MYO6: variants seen among roughly 807,000 people sequenced by gnomAD.
MYO6 encodes unconventional myosin-VI.
A neutral mutation model predicts 178.7 loss-of-function variants in MYO6; 74 were observed. The observed-to-expected ratio is 0.41, with a 90% CI of 0.34 to 0.50. The LOEUF is 0.50. Ranked by LOEUF, MYO6 falls within the 20% of genes least tolerant of loss-of-function variation. MYO6 has a pLI of 0.09. For missense variants in MYO6, 1,330 were observed against 1,547.4 expected, an observed-to-expected ratio of 0.86 and a Z score of 2.36; for synonymous variants, 477 against 504.6, an observed-to-expected ratio of 0.95 and a Z score of 0.73.
In MYO6 at chr6:75,767,548, G is replaced by T. The variant is rs376738989; in HGVS notation, c.-48+18125G>T. On this transcript the variant is annotated intron_variant, in intron 1 of 34. Coordinates refer to ENST00000369977, the MANE Select transcript of MYO6 (RefSeq NM_004999.4). The stretch of plus-strand genomic sequence containing the variant: ...TTTTTTTTTTTTTTTTTGAGGCAGA[G>T]TCTCACTGTTGCTCAGGCTGGAGTG... 9.5e-5 allele frequency among the ~76,000 whole-genome samples: 13 copies of T among 136,696 alleles called. No individual in the cohort carries two copies. The East Asian group carries it at 1.3e-3, about 13-fold the overall frequency. The allele number at this position is 136,696 out of a possible 152,430, so 89.7% of individuals were successfully genotyped here.
intron 16 of MYO6, among the ~76,000 whole-genome samples, chr6:75,863,827 G>A (rs1776418558): frequency 6.6e-6 from 1 of 152,098 alleles, no homozygotes; most frequent in African/African-American, 2.4e-5. Flanking sequence ...GCAGAGCTGT[G>A]CTTGAGTCTT....
chr6:75,811,077 C>T (rs1225472012), intron 1 of MYO6, among the ~76,000 whole-genome samples: 1 of 150,408 alleles, frequency 6.6e-6, no homozygotes, highest in Non-Finnish European at 1.5e-5. Context: ...GAGTCTTCTC[C>T]AGAGAACAGG....
At chr6:75,831,699 C>A (rs1304420042) in intron 5 of MYO6, among the ~76,000 whole-genome samples, 1 of 151,750 alleles carries the variant, frequency 6.6e-6, no homozygotes, top group African/African-American at 2.4e-5. Flanking sequence ...CAAGACCAGC[C>A]TGGGCAAACA....
chr6:75,757,579 G>A (rs1777569624), intron 1 of MYO6, among the ~76,000 whole-genome samples: 1 of 151,732 alleles, frequency 6.6e-6, no homozygotes, highest in African/African-American at 2.4e-5. Flanking sequence ...CTACTTGGTC[G>A]TCAGGCTTAA....
intron 30 of MYO6, among the ~76,000 whole-genome samples, chr6:75,899,346 T>C (rs1779551704): frequency 6.7e-6 from 1 of 149,112 alleles, no homozygotes; most frequent in South Asian, 2.1e-4. Context: ...TTACCTCTTC[T>C]TTCAAAAGAA....
At chr6:75,757,508 C>A (rs1051072684) in intron 1 of MYO6, among the ~76,000 whole-genome samples, 1 of 150,878 alleles carries the variant, frequency 6.6e-6, no homozygotes, top group African/African-American at 2.4e-5. Context: ...GTCAGGATAG[C>A]TTGTTGGGTG....
At chr6:75,827,047 A>T (rs1772548032) in intron 3 of MYO6, among the ~76,000 whole-genome samples, 1 of 152,230 alleles carries the variant, frequency 6.6e-6, no homozygotes, top group Non-Finnish European at 1.5e-5. Context: ...GTTGAATAGT[A>T]TGTTAGACAT....
chr6:75,817,582 C>A lies in MYO6; in HGVS notation c.35C>A (p.Pro12His). Residue 12 changes from proline (P) to histidine (H), a missense_variant, in exon 2 of 35, where the codon CCT becomes CAT. This residue lies in a region of MYO6 where 116 missense variants were observed against 104.6 expected (regional missense o/e 1.11). Transcript: ENST00000369977. ...GGAAAGCCCGTTTGGGCGCCACACC[C>A]TACAGATGGATTTCAGATGGGCAAT... The part of the protein sequence containing the change: ...EDGKPVWAPH[P>H]TDGFQMGNIV... 6.2e-7 allele frequency: 1 copy of A among 1,614,220 alleles called. No homozygotes were observed. Among genetic ancestry groups the A allele is most frequent in the Non-Finnish European group, 8.5e-7 (1 of 1,180,024 alleles).
At chr6:75,874,404 C>G (rs1265591236) in intron 20 of MYO6, among the ~76,000 whole-genome samples, 1 of 152,204 alleles carries the variant, frequency 6.6e-6, no homozygotes, top group Non-Finnish European at 1.5e-5. Context: ...TCAGCATGTT[C>G]TGTTTCTCAT....
chr6:75,791,737 A>G (rs1768271058), intron 1 of MYO6, among the ~76,000 whole-genome samples: 1 of 152,250 alleles, frequency 6.6e-6, no homozygotes, highest in African/African-American at 2.4e-5. Flanking sequence ...TAAAATTGTT[A>G]CTATTTATTT....
At chr6:75,872,192 T>C (rs753158323) in intron 19 of MYO6, among the ~76,000 whole-genome samples, 1 of 152,138 alleles carries the variant, frequency 6.6e-6, no homozygotes, top group African/African-American at 2.4e-5. Flanking sequence ...GGGAGCTTCA[T>C]TGTTGAAATA....
chr6:75,866,325 T>C (rs1215573956), intron 16 of MYO6, among the ~76,000 whole-genome samples: 1 of 150,230 alleles, frequency 6.7e-6, no homozygotes, highest in Non-Finnish European at 1.5e-5. Flanking sequence ...CCTATTTTCT[T>C]TCCTAAGAGA....
chr6:75,881,598 A>G (rs960989187), intron 22 of MYO6, 91 bp from the exon 23 acceptor site: 35 of 1,309,722 alleles, frequency 2.7e-5, no homozygotes, highest in Non-Finnish European at 3.7e-5. Flanking sequence ...AGACAGTTAG[A>G]TTTTGGATTT....
chr6:75,798,219 G>C (rs1351078749), intron 1 of MYO6, among the ~76,000 whole-genome samples: 3 of 152,110 alleles, frequency 2.0e-5, no homozygotes, highest in Non-Finnish European at 2.9e-5. Flanking sequence ...AGTTATCCCA[G>C]CACCATTTAT....
chr6:75,763,692 C>G (rs1778147350), intron 1 of MYO6, among the ~76,000 whole-genome samples: 1 of 152,004 alleles, frequency 6.6e-6, no homozygotes, highest in African/African-American at 2.4e-5. Flanking sequence ...ATATGTAACA[C>G]AATAGTATAT....
intron 1 of MYO6, among the ~76,000 whole-genome samples, chr6:75,789,386 T>C (rs1767999632): frequency 6.6e-6 from 1 of 152,206 alleles, no homozygotes; most frequent in Non-Finnish European, 1.5e-5. Context: ...GTACATATTA[T>C]TCACTGTATG....
intron 14 of MYO6, among the ~76,000 whole-genome samples, chr6:75,859,804 C>T (rs1267410053): frequency 1.3e-5 from 2 of 152,062 alleles, no homozygotes; most frequent in Non-Finnish European, 2.9e-5. Flanking sequence ...GGACTACAGG[C>T]ACGCGCCACC....
At chr6:75,899,836 TAACTCGTC>T (rs1339713563) in intron 30 of MYO6, among the ~76,000 whole-genome samples, 34 of 149,588 alleles carry the variant, frequency 2.3e-4, no homozygotes, top group African/African-American at 5.9e-4. Flanking sequence ...CTGCACCCAC[TAACTCGTC>T]ATCTAGCATT....
At chr6:75,820,402 T>C (rs1420487970) in intron 2 of MYO6, among the ~76,000 whole-genome samples, 5 of 152,124 alleles carry the variant, frequency 3.3e-5, no homozygotes, top group African/African-American at 9.7e-5. Flanking sequence ...GGAGTTTTGC[T>C]ATTGTCGCCC....
Sources: gnomAD v4.1 joint callset for allele counts (sites outside exome capture counted in the v4.1 genomes callset) on GRCh38, gnomAD v4.1.1 for gene constraint, gnomAD v4.1.1 regional missense constraint, MANE v1.5 for transcripts, NCBI Gene and HGNC (gene_info 2026-07-23, HGNC 2026-07-21) for gene names.